The following SRGAP1 variants were observed in gnomAD, a reference collection of about 807,000 sequenced individuals.
SRGAP1 encodes SLIT-ROBO Rho GTPase-activating protein 1.
SRGAP1 carries 43 observed loss-of-function variants against 121.9 expected under a neutral mutation model. The observed-to-expected ratio is 0.35, with a 90% CI of 0.28 to 0.46. SRGAP1 has a LOEUF of 0.46. Ranked by LOEUF, SRGAP1 falls within the 20% of genes least tolerant of loss-of-function variation. The pLI is 1.00. For synonymous variants in SRGAP1, 447 were observed against 485.4 expected (o/e 0.92, Z 1.04); for missense variants, 1,102 against 1,350.9 (o/e 0.82, Z 2.89).
rs558240230 is a variant in SRGAP1 at position 63,954,460 on chromosome 12, C to T, written c.68-29487C>T. Among the ~76,000 whole-genome samples the T allele has an allele frequency of 9.7e-3, 1,473 of 152,058 alleles. 6 individuals are homozygous for T. The highest frequency in any genetic ancestry group is 0.016 in the Non-Finnish European group (1,081 of 67,944). ...TTGGGAGGCTGAGGCGGGTGGATCACGAGGTCAGGAGATCGAGACCATCCT... is the reference window on the plus strand; with the variant it reads ...TTGGGAGGCTGAGGCGGGTGGATCATGAGGTCAGGAGATCGAGACCATCCT... On this transcript the variant is annotated intron_variant, in intron 1 of 21. Coordinates refer to ENST00000355086, the MANE Select transcript of SRGAP1 (RefSeq NM_020762.4).
intron 7 of SRGAP1, among the ~76,000 whole-genome samples, chr12:64,063,969 G>A (rs918698850): frequency 2.0e-5 from 3 of 151,508 alleles, no homozygotes; most frequent in African/African-American, 7.3e-5. Flanking sequence ...CACATATAAT[G>A]TACCTGCTGT....
At chr12:63,876,900 TCTC>T (rs540996648) in intron 1 of SRGAP1, among the ~76,000 whole-genome samples, 162 of 152,314 alleles carry the variant, frequency 1.1e-3, no homozygotes, top group Admixed American at 2.2e-3. Context: ...TTGAACTTCT[TCTC>T]CTCTTAAAGC....
chr12:63,998,640 T>C (rs2033785555), intron 3 of SRGAP1, among the ~76,000 whole-genome samples: 1 of 152,218 alleles, frequency 6.6e-6, no homozygotes, highest in South Asian at 2.1e-4. Context: ...ATATTCTTTT[T>C]CATCATTCCT....
At chr12:64,003,280 T>C (rs1331463116) in intron 3 of SRGAP1, among the ~76,000 whole-genome samples, 2 of 151,600 alleles carry the variant, frequency 1.3e-5, no homozygotes, top group Admixed American at 1.3e-4. Flanking sequence ...GGCGATGGGG[T>C]TTCACCATGT....
intron 18 of SRGAP1, among the ~76,000 whole-genome samples, chr12:64,120,891 CA>C (rs1277993264): frequency 6.6e-6 from 1 of 151,928 alleles, no homozygotes; most frequent in African/African-American, 2.4e-5. Flanking sequence ...CTTATTAATG[CA>C]ATTACAAAGG....
chr12:64,070,519 G>T (rs1418541917), intron 8 of SRGAP1, among the ~76,000 whole-genome samples: 1 of 152,152 alleles, frequency 6.6e-6, no homozygotes, highest in Non-Finnish European at 1.5e-5. Flanking sequence ...TCAAATTATA[G>T]TAGATTTACC....
rs1852537358 is a variant in SRGAP1, at chr12:63,844,886, A to G, written c.67+3A>G. ...CGAGTATGAAAGTCAAGTCAAAGGT[A>G]AGGATGGGAGCGGCTGCCTTGCTCC... On this transcript the variant is annotated splice_donor_region_variant and intron_variant, in intron 1 of 21. Transcript: ENST00000355086. The surrounding 1 kb of genome is among the most constrained non-coding windows in gnomAD (Gnocchi z 4.3). 1 of 1,613,970 alleles carries G rather than the reference A, an allele frequency of 6.2e-7. No homozygotes were observed. Among genetic ancestry groups the G allele is most frequent in the Non-Finnish European group, 8.5e-7 (1 of 1,179,850 alleles).
chr12:64,026,542 C>T (rs1220442842), intron 4 of SRGAP1, among the ~76,000 whole-genome samples: 2 of 152,056 alleles, frequency 1.3e-5, no homozygotes, highest in Non-Finnish European at 2.9e-5. Flanking sequence ...AGTTTGATAG[C>T]GTTTGGGGAC....
chr12:64,049,936 T>TAGAGATTGCATTGGTATTTCTA (rs2035207612), intron 6 of SRGAP1, among the ~76,000 whole-genome samples: 1 of 152,184 alleles, frequency 6.6e-6, no homozygotes, highest in Non-Finnish European at 1.5e-5. Flanking sequence ...AAGAGTATTA[T>TAGAGATTGCATTGGTATTTCTA]TGGTATTTCA....
intron 12 of SRGAP1, among the ~76,000 whole-genome samples, chr12:64,093,294 A>G (rs747711320): frequency 2.5e-4 from 38 of 152,134 alleles, no homozygotes; most frequent in Non-Finnish European, 5.9e-5. Flanking sequence ...TTTGACTACA[A>G]AATTAATTAT....
chr12:63,875,340 C>G (rs1169446145), intron 1 of SRGAP1, among the ~76,000 whole-genome samples: 3 of 151,998 alleles, frequency 2.0e-5, no homozygotes, highest in Non-Finnish European at 4.4e-5. Flanking sequence ...AATATTTTCT[C>G]CTATTTTATT....
At chr12:64,033,953 G>C (rs536206121) in intron 4 of SRGAP1, among the ~76,000 whole-genome samples, 3 of 151,260 alleles carry the variant, frequency 2.0e-5, no homozygotes, top group South Asian at 4.2e-4. Flanking sequence ...CCGGTGTGAG[G>C]GGGTAGTGGA....
chr12:64,121,420 T>A (rs1046250965), intron 18 of SRGAP1, among the ~76,000 whole-genome samples: 1 of 151,572 alleles, frequency 6.6e-6, no homozygotes, highest in African/African-American at 2.4e-5. Context: ...TTTATTTTTA[T>A]TTTTTTTCTT....
At position 63,977,033 on chromosome 12, in the gene SRGAP1, TA is replaced by T. The variant is rs137862034; in HGVS notation, c.68-6902del. On this transcript the variant is annotated intron_variant, in intron 1 of 21. Coordinates refer to ENST00000355086, the MANE Select transcript of SRGAP1 (RefSeq NM_020762.4). ...CCTTTGTTTATTCAGTTGATTCACTTAAAAAAAAAAAAGCTCACTTTTATGG... is the reference window on the plus strand; with the variant it reads ...CCTTTGTTTATTCAGTTGATTCACTTAAAAAAAAAAAGCTCACTTTTATGG... 7.7e-3 allele frequency among the ~76,000 whole-genome samples: 1,101 copies of T among 143,524 alleles called. 14 individuals are homozygous for T. Among genetic ancestry groups the T allele is most frequent in the East Asian group, 0.04 (202 of 5,014 alleles). The allele number at this position is 143,524 out of a possible 152,430, so 94.2% of individuals were successfully genotyped here.
intron 1 of SRGAP1, among the ~76,000 whole-genome samples, chr12:63,950,973 A>G (rs1310115761): frequency 2.1e-5 from 3 of 145,116 alleles, no homozygotes; most frequent in African/African-American, 7.7e-5. Flanking sequence ...GTCAGCACCT[A>G]TGTATTATAT....
intron 1 of SRGAP1, among the ~76,000 whole-genome samples, chr12:63,854,932 T>C (rs1416861393): frequency 2.6e-5 from 4 of 152,204 alleles, no homozygotes; most frequent in Non-Finnish European, 5.9e-5. Flanking sequence ...ATGTCAAACC[T>C]TTCTCTTATT....
chr12:64,022,295 C>T (rs1422182145), intron 4 of SRGAP1, among the ~76,000 whole-genome samples: 1 of 152,158 alleles, frequency 6.6e-6, no homozygotes, highest in African/African-American at 2.4e-5. Flanking sequence ...TAGTTCTTGT[C>T]TGAGTTCAGG....
intron 17 of SRGAP1, among the ~76,000 whole-genome samples, chr12:64,115,255 C>T (rs558262986): frequency 6.6e-6 from 1 of 152,168 alleles, no homozygotes; most frequent in Non-Finnish European, 1.5e-5. Flanking sequence ...ATAAGAATTA[C>T]TTATAATGCT....
rs563774540 is a variant in SRGAP1 at position 64,043,478 on chromosome 12, A to G, written c.704A>G (p.Lys235Arg). The change falls in exon 6 of 22, where the codon AAA becomes AGA. Residue 235 changes from lysine to arginine, a missense_variant. This residue lies in a region of SRGAP1 where 747 missense variants were observed against 929.4 expected (regional missense o/e 0.80). Coordinates refer to ENST00000355086, the MANE Select transcript of SRGAP1 (RefSeq NM_020762.4). ...RQAKYSENKL[K>R]SIKARNEYLL... ...GCAAAATATTCAGAAAATAAGCTAAAATCAATTAAGGCACGGAACGAATAT... is the reference window on the plus strand; with the variant it reads ...GCAAAATATTCAGAAAATAAGCTAAGATCAATTAAGGCACGGAACGAATAT... The G allele has an allele frequency of 1.5e-5, 24 of 1,612,338 alleles. No individual in the cohort carries two copies. In the South Asian group the frequency reaches 2.6e-4, roughly 18 times the overall value.
Sources: gnomAD v4.1 joint callset for allele counts (sites outside exome capture counted in the v4.1 genomes callset) on GRCh38, gnomAD v4.1.1 for gene constraint, gnomAD v4.1.1 regional missense constraint, Gnocchi (gnomAD v3.1) non-coding constraint, MANE v1.5 for transcripts, NCBI Gene and HGNC (gene_info 2026-07-23, HGNC 2026-07-21) for gene names.